The following EXOC4 variants were observed in gnomAD, a reference collection of about 807,000 sequenced individuals.
The protein encoded by EXOC4 is exocyst complex component 4, also known as SEC8-like 1.
A neutral mutation model predicts 107.2 loss-of-function variants in EXOC4; 71 were observed. The observed-to-expected ratio is 0.66, with a 90% CI of 0.55 to 0.81. The LOEUF is 0.81. Ranked by LOEUF, EXOC4 falls within the 30% of genes least tolerant of loss-of-function variation. EXOC4 has a pLI of 0.00. For synonymous variants in EXOC4, 456 were observed against 441.2 expected (o/e 1.03, Z -0.42); for missense variants, 1,108 against 1,189.6 (o/e 0.93, Z 1.01).
chr7:133,498,478 G>A (rs748771246), intron 9 of EXOC4, among the ~76,000 whole-genome samples: 15 of 152,132 alleles, frequency 9.9e-5, no homozygotes, highest in African/African-American at 3.1e-4. Context: ...CCAGCTACTC[G>A]GGAGGCTGAG....
intron 9 of EXOC4, among the ~76,000 whole-genome samples, chr7:133,556,017 A>G (rs929388829): frequency 4.6e-5 from 7 of 152,016 alleles, no homozygotes; most frequent in Admixed American, 4.6e-4. Context: ...TTCTTCGTGG[A>G]TTGTTTGTTG....
intron 7 of EXOC4, among the ~76,000 whole-genome samples, chr7:133,442,096 G>GT (rs1449585122): frequency 6.6e-6 from 1 of 152,086 alleles, no homozygotes; most frequent in African/African-American, 2.4e-5. Flanking sequence ...ACCATTAGAG[G>GT]TTTTTTGGTT....
chr7:133,302,066 CTTATATCTCAACTCA>C (rs956191512), intron 3 of EXOC4, among the ~76,000 whole-genome samples: 2 of 151,968 alleles, frequency 1.3e-5, no homozygotes, highest in Non-Finnish European at 2.9e-5. Flanking sequence ...TTGTTGTAGA[CTTATATCTCAACTCA>C]GGCAAATTTT....
chr7:133,678,369 TTCACAGCTTATTGCACTATGTGTTCAG>T (rs1452655961), intron 10 of EXOC4, among the ~76,000 whole-genome samples: 1 of 152,230 alleles, frequency 6.6e-6, no homozygotes, highest in Non-Finnish European at 1.5e-5. Context: ...AATTACCCTC[TTCACAGCTTATTGCACTATGTGTTCAG>T]TCACAGAGAA....
chr7:133,367,356 A>T (rs1796270349), intron 6 of EXOC4, among the ~76,000 whole-genome samples: 1 of 152,166 alleles, frequency 6.6e-6, no homozygotes, highest in Non-Finnish European at 1.5e-5. Context: ...TTGTGGAGCC[A>T]GTGGAAGACA....
rs1388023796 is a variant in EXOC4, at chr7:134,065,151, A to C, written c.*623A>C. 1 of 152,588 alleles carries C rather than the reference A, an allele frequency of 6.6e-6. No homozygotes were observed. The highest frequency in any genetic ancestry group is 2.4e-5 in the African/African-American group (1 of 41,452). The allele number at this position is 152,588 out of a possible 1,614,324, so 9.5% of individuals were successfully genotyped here. A position where few individuals can be genotyped will look rare whatever the true frequency, so the allele number is the denominator to read the frequency against. ...ATCCCAGTCCCTGGGACAGTTTTGT[A>C]TGCTGTATCTTGTACACAGGTTGTA... On this transcript the variant is annotated 3_prime_UTR_variant, in exon 18 of 18. Coordinates refer to ENST00000253861, the MANE Select transcript of EXOC4 (RefSeq NM_021807.4).
At chr7:134,047,390 T>C (rs1443001992) in intron 17 of EXOC4, among the ~76,000 whole-genome samples, 1 of 152,116 alleles carries the variant, frequency 6.6e-6, no homozygotes, top group Non-Finnish European at 1.5e-5. Context: ...TCTTTTTGTA[T>C]GGAAAGGGCC....
intron 10 of EXOC4, among the ~76,000 whole-genome samples, chr7:133,790,956 A>G (rs1796690568): frequency 6.6e-6 from 1 of 152,256 alleles, no homozygotes; most frequent in African/African-American, 2.4e-5. Context: ...ACATCGATTG[A>G]ATTGTCATTA....
chr7:133,544,918 AT>A (rs1420028431), intron 9 of EXOC4, among the ~76,000 whole-genome samples: 3 of 151,510 alleles, frequency 2.0e-5, no homozygotes, highest in African/African-American at 7.3e-5. Flanking sequence ...ATTTGAATGA[AT>A]GGGAGGATAA....
intron 10 of EXOC4, among the ~76,000 whole-genome samples, chr7:133,749,661 T>C (rs1795749932): frequency 6.6e-6 from 1 of 152,230 alleles, no homozygotes; most frequent in South Asian, 2.1e-4. Context: ...CCTAAAGTGC[T>C]GGGATTACAG....
At chr7:133,574,057 T>G (rs1277617273) in intron 9 of EXOC4, among the ~76,000 whole-genome samples, 1 of 151,494 alleles carries the variant, frequency 6.6e-6, no homozygotes, top group Non-Finnish European at 1.5e-5. Context: ...CATGAGTTAT[T>G]AAGTAAGACT....
At chr7:133,451,671 G>A (rs1416846287) in intron 7 of EXOC4, among the ~76,000 whole-genome samples, 2 of 152,048 alleles carry the variant, frequency 1.3e-5, no homozygotes, top group South Asian at 2.1e-4. Context: ...AGAGTTACAC[G>A]GACTTATTTG....
rs148157173 is a variant in EXOC4 at position 133,899,881 on chromosome 7, G to A, written c.1871+4146G>A. 2.4e-3 allele frequency among the ~76,000 whole-genome samples: 363 copies of A among 151,914 alleles called. 5 individuals are homozygous for A. The highest frequency in any genetic ancestry group is 8.2e-3 in the African/African-American group (339 of 41,394). ...TTGCCTCAGCCTCCTGAGTAGCTGG[G>A]ACTACAGGCACAAGCCACCATGCCC... On this transcript the variant is annotated intron_variant, in intron 12 of 17. Coordinates refer to ENST00000253861, the MANE Select transcript of EXOC4 (RefSeq NM_021807.4).
At chr7:133,642,607 A>C (rs1443279237) in intron 10 of EXOC4, among the ~76,000 whole-genome samples, 1 of 152,152 alleles carries the variant, frequency 6.6e-6, no homozygotes, top group Non-Finnish European at 1.5e-5. Context: ...TTAGTCGCTC[A>C]GTTTCCTAAC....
intron 9 of EXOC4, among the ~76,000 whole-genome samples, chr7:133,556,117 G>A (rs1439428786): frequency 6.6e-6 from 1 of 152,168 alleles, no homozygotes; most frequent in East Asian, 1.9e-4. Context: ...CACCTCTCCA[G>A]AGCCTTCAGA....
At chr7:133,774,944 C>A (rs1796315575) in intron 10 of EXOC4, among the ~76,000 whole-genome samples, 1 of 151,064 alleles carries the variant, frequency 6.6e-6, no homozygotes, top group Non-Finnish European at 1.5e-5. Flanking sequence ...AGGATGAAAA[C>A]ATGGCTAACC....
At chr7:133,522,712 G>T (rs998350192) in intron 9 of EXOC4, among the ~76,000 whole-genome samples, 1 of 152,018 alleles carries the variant, frequency 6.6e-6, no homozygotes. Context: ...TTCTTTGTTG[G>T]AAGAGAGGGT....
At chr7:133,990,785 T>C (rs140431887) in intron 14 of EXOC4, among the ~76,000 whole-genome samples, 1 of 152,248 alleles carries the variant, frequency 6.6e-6, no homozygotes, top group African/African-American at 2.4e-5. Flanking sequence ...GTGAATAATA[T>C]TCCATTGTGT....
chr7:133,790,967 C>G (rs914545525), intron 10 of EXOC4, among the ~76,000 whole-genome samples: 2 of 152,192 alleles, frequency 1.3e-5, no homozygotes, highest in Admixed American at 6.5e-5. Flanking sequence ...ATTGTCATTA[C>G]AAATATCTAC....
Sources: allele counts gnomAD v4.1 joint callset (sites outside exome capture counted in the v4.1 genomes callset), GRCh38; gene constraint gnomAD v4.1.1; transcripts MANE v1.5; gene names NCBI Gene and HGNC (gene_info 2026-07-23, HGNC 2026-07-21).